The following DTNA variants were observed in gnomAD, a reference collection of about 807,000 sequenced individuals.
DTNA encodes the protein dystrobrevin alpha.
In DTNA, 43 loss-of-function variants were observed where a neutral mutation model predicts 100.7. The observed-to-expected ratio is 0.43, with a 90% CI of 0.33 to 0.55. The LOEUF (loss-of-function observed/expected upper bound fraction) is 0.55. Among genes scored for constraint, DTNA ranks in the 20% least tolerant of loss-of-function variants. DTNA has a pLI of 0.04. For synonymous variants in DTNA, 349 were observed against 347.9 expected (o/e 1.00, Z -0.04); for missense variants, 798 against 953.9 (o/e 0.84, Z 2.15).
At chr18:34,844,526 A>G (rs1399381848) in intron 13 of DTNA, among the ~76,000 whole-genome samples, 4 of 129,246 alleles carry the variant, frequency 3.1e-5, no homozygotes, top group Non-Finnish European at 3.4e-5. Flanking sequence ...ATAGAGAATA[A>G]TCTAATAAAG....
chr18:34,792,793 C>T (rs1283886415), intron 3 of DTNA, among the ~76,000 whole-genome samples: 1 of 152,110 alleles, frequency 6.6e-6, no homozygotes, highest in African/African-American at 2.4e-5. Context: ...GAAACCCAGC[C>T]TTTTCATTTC....
intron 8 of DTNA, among the ~76,000 whole-genome samples, chr18:34,819,944 T>G (rs1016915216): frequency 6.7e-6 from 1 of 150,288 alleles, no homozygotes; most frequent in East Asian, 2.0e-4. Flanking sequence ...TGGTTAAGGT[T>G]TTATTATTAT....
intron 4 of DTNA, among the ~76,000 whole-genome samples, chr18:34,803,973 A>G (rs1385267686): frequency 1.3e-5 from 2 of 152,210 alleles, no homozygotes; most frequent in Non-Finnish European, 1.5e-5. Flanking sequence ...AGAAAACATC[A>G]TCTCTGCACT....
At chr18:34,518,681 G>A (rs967145775) in intron 1 of DTNA, among the ~76,000 whole-genome samples, 75 of 135,202 alleles carry the variant, frequency 5.5e-4, no homozygotes, top group African/African-American at 2.0e-3. Flanking sequence ...TTGACTTACC[G>A]TTTTTTTTTT....
At chr18:34,761,085 C>G (rs905042818) in intron 2 of DTNA, among the ~76,000 whole-genome samples, 2 of 151,890 alleles carry the variant, frequency 1.3e-5, no homozygotes, top group Non-Finnish European at 2.9e-5. Context: ...CAGTATCTCT[C>G]TCTTTCTCTC....
chr18:34,715,026 G>A (rs2146676013), intron 1 of DTNA, among the ~76,000 whole-genome samples: 1 of 145,322 alleles, frequency 6.9e-6, no homozygotes, highest in East Asian at 2.1e-4. Context: ...ATGGACACAG[G>A]AAGGGGAATA....
chr18:34,518,148 T>C (rs1318219346), intron 1 of DTNA, among the ~76,000 whole-genome samples: 1 of 152,206 alleles, frequency 6.6e-6, no homozygotes, highest in African/African-American at 2.4e-5. Flanking sequence ...TAATATCTCA[T>C]TGTGGTTTTA....
At chr18:34,810,925 C>T (rs1340253910) in intron 5 of DTNA, among the ~76,000 whole-genome samples, 1 of 152,128 alleles carries the variant, frequency 6.6e-6, no homozygotes, top group Non-Finnish European at 1.5e-5. Context: ...AAATGAGAGT[C>T]AATTCATGTT....
At chr18:34,551,383 C>G (rs2045395368) in intron 1 of DTNA, among the ~76,000 whole-genome samples, 1 of 152,170 alleles carries the variant, frequency 6.6e-6, no homozygotes, top group South Asian at 2.1e-4. Flanking sequence ...AATCGCTTAC[C>G]TAGGCTATTG....
rs533047327 is a variant in DTNA, at chr18:34,677,141, G to A, written c.-1-78835G>A. Reference sequence around the variant, plus strand: ...AATCACTATCTGTGATATATGGGGTGAAGTGGGGCCACTTCTTAGTAGAAA... The same window carrying A: ...AATCACTATCTGTGATATATGGGGTAAAGTGGGGCCACTTCTTAGTAGAAA... On this transcript the variant is annotated intron_variant, in intron 1 of 19. Coordinates refer to the DTNA transcript ENST00000283365. Among the ~76,000 whole-genome samples the A allele has an allele frequency of 1.6e-4, 25 of 152,252 alleles. 1 individual carries two copies. The South Asian group carries it at 3.7e-3, about 23-fold the overall frequency.
At chr18:34,646,187 C>G (rs1432057914) in intron 1 of DTNA, among the ~76,000 whole-genome samples, 3 of 152,152 alleles carry the variant, frequency 2.0e-5, no homozygotes, top group Non-Finnish European at 4.4e-5. Flanking sequence ...AATACAACAT[C>G]TCTCATTAGA....
chr18:34,695,056 A>G lies in DTNA; in HGVS notation c.-1-60920A>G, dbSNP rs1394253236. Among the ~76,000 whole-genome samples the G allele has an allele frequency of 2.0e-5, 3 of 152,120 alleles. No individual in the cohort carries two copies. In the South Asian group the frequency reaches 6.2e-4, roughly 32 times the overall value. On this transcript the variant is annotated intron_variant, in intron 1 of 19. Transcript: ENST00000283365. ...TTTGAATTCTCCTTTGGCAAAGAAC[A>G]TTTGCAGACATTAAGTACAATGGTA... is the stretch of plus-strand genomic sequence containing the variant.
intron 1 of DTNA, among the ~76,000 whole-genome samples, chr18:34,666,855 T>C (rs1375993460): frequency 5.9e-5 from 9 of 152,162 alleles, no homozygotes; most frequent in Non-Finnish European, 1.0e-4. Flanking sequence ...TCAGGTAGTG[T>C]GATGCCTCCA....
intron 7 of DTNA, among the ~76,000 whole-genome samples, chr18:34,817,645 A>G (rs2095625548): frequency 6.6e-6 from 1 of 152,166 alleles, no homozygotes. Flanking sequence ...TAGTCACTCT[A>G]TTTTTTAAAA....
At chr18:34,657,779 G>A (rs1490208106) in intron 1 of DTNA, among the ~76,000 whole-genome samples, 1 of 152,094 alleles carries the variant, frequency 6.6e-6, no homozygotes, top group Non-Finnish European at 1.5e-5. Context: ...GGGAAGGAGG[G>A]GAGACATCAC....
chr18:34,543,731 G>A (rs1568621710), intron 1 of DTNA, among the ~76,000 whole-genome samples: 1 of 152,188 alleles, frequency 6.6e-6, no homozygotes, highest in East Asian at 1.9e-4. Context: ...GACAGTAGAT[G>A]ACAACAGAAA....
intron 1 of DTNA, among the ~76,000 whole-genome samples, chr18:34,623,294 T>G (rs1459486868): frequency 6.6e-6 from 1 of 152,228 alleles, no homozygotes; most frequent in Non-Finnish European, 1.5e-5. Flanking sequence ...AAGACTTTTA[T>G]TTTGGTTACT....
intron 1 of DTNA, among the ~76,000 whole-genome samples, chr18:34,560,735 A>G (rs551859858): frequency 6.6e-6 from 1 of 152,202 alleles, no homozygotes; most frequent in East Asian, 1.9e-4. Context: ...CTGAAACCCT[A>G]TCTCTACAAA....
chr18:34,842,282 A>G (rs571023086), intron 13 of DTNA, among the ~76,000 whole-genome samples: 1 of 152,354 alleles, frequency 6.6e-6, no homozygotes, highest in East Asian at 1.9e-4. Flanking sequence ...AAGAAAGTGT[A>G]CATTTGTGTT....
Sources: gnomAD v4.1 joint callset for allele counts (sites outside exome capture counted in the v4.1 genomes callset) on GRCh38, gnomAD v4.1.1 for gene constraint, MANE v1.5 for transcripts, NCBI Gene and HGNC (gene_info 2026-07-23, HGNC 2026-07-21) for gene names.